The following GFRA1 variants were observed in gnomAD, a reference collection of about 807,000 sequenced individuals.
GFRA1 encodes GDNF family receptor alpha 1, also known as GDNF family receptor alpha-1.
GFRA1 carries 16 observed loss-of-function variants against 51.6 expected under a neutral mutation model. That is an observed-to-expected ratio of 0.31 (90% confidence interval 0.21 to 0.47). The LOEUF is 0.47. Among genes scored for constraint, GFRA1 ranks in the 20% least tolerant of loss-of-function variants. The pLI is 1.00. For synonymous variants in GFRA1, 270 were observed against 241.3 expected (o/e 1.12, Z -1.10); for missense variants, 530 against 594.3 (o/e 0.89, Z 1.13).
intron 4 of GFRA1, among the ~76,000 whole-genome samples, chr10:116,255,139 C>A (rs902310575): frequency 6.6e-6 from 1 of 152,142 alleles, no homozygotes; most frequent in Admixed American, 6.5e-5. Context: ...TGGGCTTCGA[C>A]TTCTTTATAT....
chr10:116,254,724 G>A (rs947319515), intron 4 of GFRA1, among the ~76,000 whole-genome samples: 1 of 152,154 alleles, frequency 6.6e-6, no homozygotes, highest in Non-Finnish European at 1.5e-5. Context: ...TAAAGTGGAC[G>A]TCCACGGACA....
At position 116,176,189 on chromosome 10, in the gene GFRA1, A is replaced by T. The variant is rs1961573545; in HGVS notation, c.433+35442T>A. Reference sequence around the variant, plus strand: ...TGCCAATATTTACTAAGAGCCTACTACGTGTCGGCGCTCTGAAAAAAGTAT... The same window carrying T: ...TGCCAATATTTACTAAGAGCCTACTTCGTGTCGGCGCTCTGAAAAAAGTAT... On this transcript the variant is annotated intron_variant, in intron 5 of 10. Coordinates refer to ENST00000355422, the MANE Select transcript of GFRA1 (RefSeq NM_005264.8). Among the ~76,000 whole-genome samples, 4 of 152,328 alleles carry T rather than the reference A, an allele frequency of 2.6e-5. No homozygotes were observed. The South Asian group carries it at 8.3e-4, about 32-fold the overall frequency.
chr10:116,211,719 G>T, intron 4 of GFRA1, 74 bp from the exon 5 acceptor site: 2 of 1,196,126 alleles, frequency 1.7e-6, no homozygotes, highest in Non-Finnish European at 2.4e-6. Context: ...TAATAATGTT[G>T]AAAAGGACAG....
At chr10:116,153,269 A>T (rs1008708260) in intron 5 of GFRA1, among the ~76,000 whole-genome samples, 1 of 152,252 alleles carries the variant, frequency 6.6e-6, no homozygotes, top group African/African-American at 2.4e-5. Context: ...TGATAAACAA[A>T]GAATGAAGCA....
chr10:116,182,705 C>G (rs1221054988), intron 5 of GFRA1, among the ~76,000 whole-genome samples: 1 of 152,198 alleles, frequency 6.6e-6, no homozygotes, highest in Non-Finnish European at 1.5e-5. Context: ...ATCCCATTCC[C>G]AAATATCAGC....
chr10:116,094,318 C>A lies in GFRA1; in HGVS notation c.881-482G>T, dbSNP rs544965109. 7.2e-5 allele frequency among the ~76,000 whole-genome samples: 11 copies of A among 152,170 alleles called. No individual in the cohort carries two copies. In the South Asian group the frequency reaches 2.3e-3, roughly 32 times the overall value. ...AAGCTTCCTAGCGGTTAGCCTGCAC[C>A]CTGAGTGTATATACATATATATGGG... is the stretch of plus-strand genomic sequence containing the variant. On this transcript the variant is annotated intron_variant, in intron 7 of 10. Transcript: ENST00000355422.
chr10:116,269,187 A>C (rs1969897754), intron 4 of GFRA1, among the ~76,000 whole-genome samples: 1 of 152,192 alleles, frequency 6.6e-6, no homozygotes, highest in Non-Finnish European at 1.5e-5. Context: ...TGCCACCTAC[A>C]GACAGAAGTG....
chr10:116,102,863 T>A (rs1956869497), intron 6 of GFRA1, among the ~76,000 whole-genome samples: 1 of 152,208 alleles, frequency 6.6e-6, no homozygotes, highest in Admixed American at 6.5e-5. Context: ...CCCAGAACTT[T>A]GGGACAGGAT....
intron 4 of GFRA1, among the ~76,000 whole-genome samples, chr10:116,246,626 A>G (rs988333799): frequency 2.0e-4 from 31 of 152,254 alleles, no homozygotes; most frequent in African/African-American, 7.2e-4. Context: ...GATATGCGTC[A>G]GCAAAAAGGA....
At chr10:116,079,059 C>T (rs1468347193) in intron 9 of GFRA1, among the ~76,000 whole-genome samples, 1 of 151,988 alleles carries the variant, frequency 6.6e-6, no homozygotes, top group African/African-American at 2.4e-5. Context: ...ATGTTCTCTG[C>T]AGGGTAATCA....
intron 5 of GFRA1, among the ~76,000 whole-genome samples, chr10:116,198,326 C>T (rs1425897210): frequency 6.6e-6 from 1 of 152,178 alleles, no homozygotes; most frequent in Non-Finnish European, 1.5e-5. Context: ...CTTTTGCGGG[C>T]TTATGAGAAC....
chr10:116,216,766 T>G (rs568567728), intron 4 of GFRA1, among the ~76,000 whole-genome samples: 21 of 152,308 alleles, frequency 1.4e-4, no homozygotes, highest in Middle Eastern at 3.4e-3. Context: ...AAGAAAATTC[T>G]CTTTCAAGTA....
intron 5 of GFRA1, among the ~76,000 whole-genome samples, chr10:116,199,734 A>T (rs1409164219): frequency 6.6e-6 from 1 of 152,196 alleles, no homozygotes; most frequent in Non-Finnish European, 1.5e-5. Context: ...TTTTAGAGTG[A>T]AATTTACATA....
intron 8 of GFRA1, among the ~76,000 whole-genome samples, chr10:116,090,615 T>C (rs1386558039): frequency 6.6e-6 from 1 of 152,164 alleles, no homozygotes; most frequent in Non-Finnish European, 1.5e-5. Context: ...TACAATTTCA[T>C]AGGATTAGAT....
chr10:116,057,993 TGTGTGTGTG>T lies in GFRA1; in HGVS notation c.*6396_*6404del, dbSNP rs1565539532. 463 of 22,908 alleles carry T rather than the reference TGTGTGTGTG, an allele frequency of 0.02. 3 individuals are homozygous for T. Among genetic ancestry groups the T allele is most frequent in the African/African-American group, 0.083 (447 of 5,358 alleles). 1.4% of individuals were successfully genotyped at this position (22,908 alleles called of 1,614,324 possible). On this transcript the variant is annotated 3_prime_UTR_variant, in exon 11 of 11. Transcript: ENST00000355422. ...GGATCATATAGCCCTCCAATCATTG[TGTGTGTGTG>T]TGTGTGTGTGTGTGTGTGTGTGTGT...
At chr10:116,169,431 C>T (rs1960813539) in intron 5 of GFRA1, among the ~76,000 whole-genome samples, 1 of 152,244 alleles carries the variant, frequency 6.6e-6, no homozygotes, top group African/African-American at 2.4e-5. Flanking sequence ...ACTTCACATC[C>T]CTGTTTTCCC....
intron 4 of GFRA1, among the ~76,000 whole-genome samples, chr10:116,233,172 C>CA (rs1316724983): frequency 6.6e-6 from 1 of 151,772 alleles, no homozygotes; most frequent in African/African-American, 2.4e-5. Flanking sequence ...ACTTAAAATA[C>CA]AAAAAATTAG....
intron 4 of GFRA1, among the ~76,000 whole-genome samples, chr10:116,230,836 T>G (rs779628501): frequency 1.1e-4 from 16 of 152,070 alleles, no homozygotes; most frequent in African/African-American, 1.7e-4. Context: ...TGGCAATTAT[T>G]TCAATAAGTT....
chr10:116,099,772 A>G (rs1956745308), intron 6 of GFRA1, among the ~76,000 whole-genome samples: 1 of 152,248 alleles, frequency 6.6e-6, no homozygotes, highest in African/African-American at 2.4e-5. Flanking sequence ...AAAAACAAGT[A>G]AAAAGATTAT....
Sources: allele counts gnomAD v4.1 joint callset (sites outside exome capture counted in the v4.1 genomes callset), GRCh38; gene constraint gnomAD v4.1.1; transcripts MANE v1.5; gene names NCBI Gene and HGNC (gene_info 2026-07-23, HGNC 2026-07-21).